The following NAA60 variants were observed in gnomAD, a reference collection of about 807,000 sequenced individuals.
The protein encoded by NAA60 is N-alpha-acetyltransferase 60, NatF catalytic subunit.
Under a neutral mutation model 26.1 loss-of-function variants are expected in NAA60, and 8 were observed. The observed-to-expected ratio is 0.31, with a 90% CI of 0.18 to 0.55. NAA60 has a LOEUF of 0.55. Ranked by LOEUF, NAA60 falls within the 20% of genes least tolerant of loss-of-function variation. The pLI is 0.93. For synonymous variants in NAA60, 131 were observed against 122.5 expected (o/e 1.07, Z -0.46); for missense variants, 290 against 311.3 (o/e 0.93, Z 0.51).
chr16:3,483,304 C>T, intron 5 of NAA60, 59 bp from the exon 6 acceptor site: 1 of 1,286,254 alleles, frequency 7.8e-7, no homozygotes, highest in Non-Finnish European at 1.1e-6. Context: ...CCATCCTAGC[C>T]CAGTCATCCT....
chr16:3,458,221 G>T (rs2035113913), intron 2 of NAA60: 1 of 981,264 alleles, frequency 1.0e-6, no homozygotes, highest in Admixed American at 6.2e-5. Context: ...TCGGACCTGC[G>T]GCGGGGCGCC....
intron 2 of NAA60, among the ~76,000 whole-genome samples, chr16:3,463,361 A>G (rs1223423856): frequency 2.6e-5 from 4 of 151,530 alleles, no homozygotes; most frequent in African/African-American, 9.8e-5. Context: ...CAGCCTGGCC[A>G]ACATGGTGAA....
intron 3 of NAA60, among the ~76,000 whole-genome samples, chr16:3,477,323 A>C (rs2036544642): frequency 6.6e-6 from 1 of 152,220 alleles, no homozygotes; most frequent in Non-Finnish European, 1.5e-5. Flanking sequence ...AAGTTGACAC[A>C]AACTTTGAAA....
chr16:3,470,712 T>G (rs2036079748), intron 2 of NAA60, among the ~76,000 whole-genome samples: 1 of 152,228 alleles, frequency 6.6e-6, no homozygotes. Flanking sequence ...ATCTCCGACT[T>G]GATCAGCATG....
At chr16:3,456,915 A>T (rs1011042022) in intron 2 of NAA60, 4 of 152,026 alleles carry the variant, frequency 2.6e-5, no homozygotes, top group Admixed American at 6.6e-5. Context: ...TCAGCCTCCC[A>T]GGTAGGTGGG....
Position 3,455,758 on chromosome 16 carries a change from A to G in NAA60, c.-7+7218A>G, listed in dbSNP as rs566969424. ...GGAGTCTTGCTCTGTCCCAGACTGGAGTACAGTGGCGCGATCTCGGCTCAC... is the reference window on the plus strand; with the variant it reads ...GGAGTCTTGCTCTGTCCCAGACTGGGGTACAGTGGCGCGATCTCGGCTCAC... On this transcript the variant is annotated intron_variant, in intron 2 of 7. Coordinates refer to ENST00000407558, the MANE Select transcript of NAA60 (RefSeq NM_001083601.3). Among the ~76,000 whole-genome samples, 18 of 151,718 alleles carry G rather than the reference A, an allele frequency of 1.2e-4. 1 individual carries two copies. The highest frequency in any genetic ancestry group is 4.4e-4 in the African/African-American group (18 of 41,292).
intron 2 of NAA60, among the ~76,000 whole-genome samples, chr16:3,471,774 G>A (rs919537356): frequency 1.3e-5 from 2 of 152,238 alleles, no homozygotes; most frequent in South Asian, 2.1e-4. Flanking sequence ...CTGGGCGGCT[G>A]GGCCTATGGG....
chr16:3,458,065 C>A, intron 2 of NAA60: 2 of 985,326 alleles, frequency 2.0e-6, no homozygotes, highest in Non-Finnish European at 2.4e-6. Context: ...CGGCTGCGGC[C>A]CCTGCCGGTT....
chr16:3,475,545 G>C (rs2036426656), intron 2 of NAA60, among the ~76,000 whole-genome samples: 1 of 152,154 alleles, frequency 6.6e-6, no homozygotes, highest in Non-Finnish European at 1.5e-5. Context: ...CAGGGGGGCT[G>C]CTCCTCCCGC....
At chr16:3,465,287 A>G (rs2035676955) in intron 2 of NAA60, among the ~76,000 whole-genome samples, 1 of 151,746 alleles carries the variant, frequency 6.6e-6, no homozygotes, top group African/African-American at 2.4e-5. Context: ...AAAAAAAGAA[A>G]AGAAAAAAGG....
intron 2 of NAA60, among the ~76,000 whole-genome samples, chr16:3,471,331 C>T (rs2036128975): frequency 6.6e-6 from 1 of 152,032 alleles, no homozygotes; most frequent in African/African-American, 2.4e-5. Context: ...GAAACCCCAT[C>T]TCTACTAAAA....
At chr16:3,450,699 CAAAAAAAAAAAA>C (rs539095336) in intron 2 of NAA60, among the ~76,000 whole-genome samples, 4 of 73,606 alleles carry the variant, frequency 5.4e-5, no homozygotes, top group East Asian at 4.3e-4. Context: ...GACTCCGTCT[CAAAAAAAAAAAA>C]AAAAAAAAAA....
intron 2 of NAA60, among the ~76,000 whole-genome samples, chr16:3,461,241 G>C (rs1351184331): frequency 2.0e-5 from 3 of 152,202 alleles, no homozygotes; most frequent in African/African-American, 4.8e-5. Flanking sequence ...CGTAGTGCTT[G>C]TGGGAGTGAT....
intron 2 of NAA60, among the ~76,000 whole-genome samples, chr16:3,458,802 A>G (rs2035179296): frequency 6.6e-6 from 1 of 151,856 alleles, no homozygotes; most frequent in South Asian, 2.1e-4. Flanking sequence ...CAGAACCCAC[A>G]CCCCCAGCTC....
chr16:3,450,268 C>A, intron 2 of NAA60: 2 of 302,124 alleles, frequency 6.6e-6, no homozygotes, highest in Non-Finnish European at 1.2e-5. Context: ...AGAGCAGAGG[C>A]TGGTCAGCAA....
intron 1 of NAA60, among the ~76,000 whole-genome samples, chr16:3,444,228 G>T (rs1210447672): frequency 6.6e-6 from 1 of 152,044 alleles, no homozygotes; most frequent in Non-Finnish European, 1.5e-5. Flanking sequence ...ATTGTGTGCT[G>T]GGGGAGGAGG....
At chr16:3,447,396 G>A in intron 1 of NAA60, 1 of 876,712 alleles carries the variant, frequency 1.1e-6, no homozygotes, top group South Asian at 5.3e-5. Context: ...ATCACTTCAA[G>A]GTAAATGGGG....
intron 2 of NAA60, among the ~76,000 whole-genome samples, chr16:3,472,953 G>A (rs902857543): frequency 6.6e-6 from 1 of 152,206 alleles, no homozygotes; most frequent in Non-Finnish European, 1.5e-5. Context: ...CACCTGACAA[G>A]ATTAACACCT....
rs1228947242 is a variant in NAA60, at chr16:3,448,390, TCTGACA to T, written c.-76-78_-76-73del. 13 of 1,175,964 alleles carry T rather than the reference TCTGACA, an allele frequency of 1.1e-5. No individual in the cohort carries two copies. The African/African-American group carries it at 2.0e-4, about 18-fold the overall frequency. The allele number at this position is 1,175,964 out of a possible 1,614,324, so 72.8% of individuals were successfully genotyped here. A position where few individuals can be genotyped will look rare whatever the true frequency, so the allele number is the denominator to read the frequency against. On this transcript the variant is annotated intron_variant, in intron 1 of 7. Coordinates refer to ENST00000407558, the MANE Select transcript of NAA60 (RefSeq NM_001083601.3). ...TTGATACTCTGAGATCCAGGGTTTGTCTGACACTCATTAGCCTATGAGTTGTAGAGA... is the reference window on the plus strand; with the variant it reads ...TTGATACTCTGAGATCCAGGGTTTGTCTCATTAGCCTATGAGTTGTAGAGA...
Sources: allele counts gnomAD v4.1 joint callset (sites outside exome capture counted in the v4.1 genomes callset), GRCh38; gene constraint gnomAD v4.1.1; transcripts MANE v1.5; gene names NCBI Gene and HGNC (gene_info 2026-07-23, HGNC 2026-07-21).